TMEM219: variants seen among roughly 807,000 people sequenced by gnomAD.
The protein encoded by TMEM219 is insulin-like growth factor-binding protein 3 receptor.
A neutral mutation model predicts 17.9 loss-of-function variants in TMEM219; 18 were observed. That is an observed-to-expected ratio of 1.01 (90% CI 0.70 to 1.49). The LOEUF (loss-of-function observed/expected upper bound fraction) is 1.49. Ranked by LOEUF, TMEM219 falls within the 40% of genes most tolerant of loss-of-function variation. The probability of loss-of-function intolerance (pLI) is 0.00; values close to 1 mark genes in which losing one functional copy is unlikely to be tolerated. For synonymous variants in TMEM219, 113 were observed against 124.0 expected, an observed-to-expected ratio of 0.91 and a Z score of 0.59; for missense variants, 288 against 292.4, an observed-to-expected ratio of 0.99 and a Z score of 0.11.
intron 4 of TMEM219, among the ~76,000 whole-genome samples, chr16:29,970,201 TCC>T (rs2069265481): frequency 6.6e-6 from 1 of 151,092 alleles, no homozygotes; most frequent in Non-Finnish European, 1.5e-5. Context: ...GCCACTGCAC[TCC>T]AGCCTGGGCA....
Position 29,963,502 on chromosome 16 carries a change from A to G in TMEM219, c.268A>G (p.Thr90Ala). The change falls in exon 3 of 6, where the codon ACC becomes GCC. Residue 90 changes from threonine (T) to alanine (A), a missense_variant. Thr to Ala is a moderately conservative substitution (Grantham distance 58). Transcript: ENST00000279396. ...WRGSHVVGLL[T>A]TLNFGDGPDR... ...AGGGTCTCACGTCGTGGGCTTGCTG[A>G]CCACCTTGAACTTCGGAGACGGTCC... 1.9e-6 allele frequency: 3 copies of G among 1,614,182 alleles called. No homozygotes were observed. Among genetic ancestry groups the G allele is most frequent in the Non-Finnish European group, 2.5e-6 (3 of 1,180,020 alleles).
chr16:29,966,677 A>G (rs1203419163), intron 3 of TMEM219, among the ~76,000 whole-genome samples: 1 of 152,004 alleles, frequency 6.6e-6, no homozygotes, highest in Admixed American at 6.6e-5. Context: ...TTAGCCAGGC[A>G]TGGTCGTGGG....
chr16:29,967,910 G>C, intron 3 of TMEM219, 115 bp from the exon 4 acceptor site: 1 of 787,798 alleles, frequency 1.3e-6, no homozygotes, highest in Non-Finnish European at 2.0e-6. Flanking sequence ...CTGGGTGATA[G>C]AGCGAGACTC....
At chr16:29,968,894 A>G (rs909326502) in intron 4 of TMEM219, among the ~76,000 whole-genome samples, 1 of 152,222 alleles carries the variant, frequency 6.6e-6, no homozygotes, top group South Asian at 2.1e-4. Context: ...GCTGCAGGCC[A>G]CACAACTGGT....
Position 29,968,228 on chromosome 16 carries a change from C to G in TMEM219, c.559C>G (p.Leu187Val). 6.2e-7 allele frequency: 1 copy of G among 1,614,018 alleles called. No individual in the cohort carries two copies. The highest frequency in any genetic ancestry group is 8.5e-7 in the Non-Finnish European group (1 of 1,179,916). ...TGTTAGTGTCTGGAGCCATGAAGGC[C>G]TTGTGCTGACCAAGCTGCTCACCTC... ...ECVSVWSHEG[L>V]VLTKLLTSEE... Residue 187 changes from leucine to valine, a missense_variant, in exon 4 of 6, where the codon CTT becomes GTT. Leu to Val is a conservative substitution (Grantham distance 32). Coordinates refer to ENST00000279396, the MANE Select transcript of TMEM219 (RefSeq NM_001083613.2).
In TMEM219 at chr16:29,963,204, G is replaced by T. The variant is rs200171423; in HGVS notation, c.61G>T (p.Val21Phe). 1.2e-5 allele frequency: 20 copies of T among 1,613,770 alleles called. No homozygotes were observed. The Admixed American group carries it at 1.8e-4, about 15-fold the overall frequency. ...GTGTCTGGCCCACCACCCACCTCTGGTCTGTGCCACTTTGATCCTGCTGCT... is the reference window on the plus strand; with the variant it reads ...GTGTCTGGCCCACCACCCACCTCTGTTCTGTGCCACTTTGATCCTGCTGCT... ...HLCLAHHPPL[V>F]CATLILLLLG... Residue 21 changes from valine to phenylalanine, a missense_variant, in exon 2 of 6, where the codon GTC (valine) becomes TTC (phenylalanine). Transcript: ENST00000279396.
chr16:29,971,271 C>T, intron 4 of TMEM219, 137 bp from the exon 5 acceptor site: 2 of 921,434 alleles, frequency 2.2e-6, no homozygotes, highest in Non-Finnish European at 3.2e-6. Context: ...AGACAAATGT[C>T]AGCTTATATG....
At chr16:29,964,371 T>C (rs2069186228) in intron 3 of TMEM219, among the ~76,000 whole-genome samples, 1 of 151,734 alleles carries the variant, frequency 6.6e-6, no homozygotes, top group African/African-American at 2.4e-5. Context: ...TAGTTCCAGC[T>C]ACTTGGGAGG....
rs1272654363 is a variant in TMEM219 at position 29,968,203 on chromosome 16, T to C, written c.534T>C (p.Cys178=). Residue 178 remains cysteine, a synonymous_variant, in exon 4 of 6, where the codon TGT becomes TGC. Transcript: ENST00000279396. The part of the protein sequence containing the change: ...ATLSPRMGEE[C]VSVWSHEGLV... Reference sequence around the variant, plus strand: ...TGAGCCCTAGAATGGGTGAGGAATGTGTTAGTGTCTGGAGCCATGAAGGCC... The same window carrying C: ...TGAGCCCTAGAATGGGTGAGGAATGCGTTAGTGTCTGGAGCCATGAAGGCC... 2 of 1,614,146 alleles carry C rather than the reference T, an allele frequency of 1.2e-6. No individual in the cohort carries two copies. Among genetic ancestry groups the C allele is most frequent in the East Asian group, 2.2e-5 (1 of 44,868 alleles).
Position 29,968,022 on chromosome 16 carries a change from C to G in TMEM219, c.356-3C>G. On this transcript the variant is annotated splice_region_variant and splice_polypyrimidine_tract_variant and intron_variant, in intron 3 of 5. Coordinates refer to ENST00000279396, the MANE Select transcript of TMEM219 (RefSeq NM_001083613.2). Reference sequence around the variant, plus strand: ...TCCATTTTCTCTTCTGTGCCTTTCACAGGATCTTCTGCAGGACAACTGGTC... The same window carrying G: ...TCCATTTTCTCTTCTGTGCCTTTCAGAGGATCTTCTGCAGGACAACTGGTC... 6.2e-7 allele frequency: 1 copy of G among 1,611,354 alleles called. No individual in the cohort carries two copies. The highest frequency in any genetic ancestry group is 8.5e-7 in the Non-Finnish European group (1 of 1,177,564).
At chr16:29,970,451 A>G (rs2069269285) in intron 4 of TMEM219, among the ~76,000 whole-genome samples, 1 of 151,150 alleles carries the variant, frequency 6.6e-6, no homozygotes, top group African/African-American at 2.4e-5. Flanking sequence ...CAGCCTCCCA[A>G]GTAGCTGGGA....
In TMEM219 at chr16:29,963,410, C is replaced by CT. The variant is rs763110962; in HGVS notation, c.182dup (p.Leu61PhefsTer85). 2 of 1,614,110 alleles carry CT rather than the reference C, an allele frequency of 1.2e-6. No individual in the cohort carries two copies. Among genetic ancestry groups the CT allele is most frequent in the South Asian group, 1.1e-5 (1 of 91,088 alleles). On this transcript the variant is annotated frameshift_variant, in exon 3 of 6. Coordinates refer to ENST00000279396, the MANE Select transcript of TMEM219 (RefSeq NM_001083613.2). LOFTEE classifies it high-confidence loss of function. ...TTCTTTTGCTCACAGGACTGGGTCT[C>CT]TTTTTTGAGATCTTTTGGCCAGCTG...
Position 29,971,513 on chromosome 16 carries a change from C to T in TMEM219, c.691C>T (p.Arg231Trp), listed in dbSNP as rs1390726624. The part of the protein sequence containing the change: ...CVTAMCFHPR[R>W]ESHWSRTRL ...CACTGCTATGTGCTTCCACCCGCGC[C>T]GGGAGTCCCACTGGTCTAGAACCCG... The change falls in exon 5 of 6, where the codon CGG becomes TGG. Residue 231 changes from arginine (R) to tryptophan (W), a missense_variant. Coordinates refer to ENST00000279396, the MANE Select transcript of TMEM219 (RefSeq NM_001083613.2). 22 of 1,599,506 alleles carry T rather than the reference C, an allele frequency of 1.4e-5. No homozygotes were observed. Among genetic ancestry groups the T allele is most frequent in the South Asian group, 1.3e-4 (12 of 90,898 alleles).
intron 3 of TMEM219, among the ~76,000 whole-genome samples, chr16:29,963,880 C>A (rs1455863380): frequency 3.6e-5 from 2 of 56,124 alleles, no homozygotes; most frequent in African/African-American, 5.4e-5. Context: ...AAGACTCTGT[C>A]TCAAAAAAAA....
intron 3 of TMEM219, among the ~76,000 whole-genome samples, 174 bp from the exon 4 acceptor site, chr16:29,967,851 C>T (rs575404405): frequency 2.0e-5 from 3 of 151,384 alleles, no homozygotes; most frequent in South Asian, 2.1e-4. Flanking sequence ...GGTGTGAACC[C>T]GGGAGGCGGA....
rs567565388 is a variant in TMEM219 at position 29,963,239 on chromosome 16, C to T, written c.96C>T (p.Leu32=). Residue 32 remains leucine, a synonymous_variant, in exon 2 of 6, where the codon CTC becomes CTT. Coordinates refer to ENST00000279396, the MANE Select transcript of TMEM219 (RefSeq NM_001083613.2). ...CATLILLLLG[L]SGLGLGSFLL... is the part of the protein sequence containing the mutation. ...CTTTGATCCTGCTGCTCCTTGGCCT[C>T]TCTGGCCTGGGCCTTGGCAGCTTCC... 1.5e-5 allele frequency: 24 copies of T among 1,614,100 alleles called. No homozygotes were observed. The Middle Eastern group carries it at 6.6e-4, about 44-fold the overall frequency.
intron 4 of TMEM219, chr16:29,968,539 G>A (rs1239873672): frequency 3.0e-6 from 1 of 333,092 alleles, no homozygotes; most frequent in Non-Finnish European, 5.5e-6. Context: ...GATTTGATAA[G>A]TGACAGCTAT....
At chr16:29,966,241 A>T (rs4787486) in intron 3 of TMEM219, among the ~76,000 whole-genome samples, 61,090 of 151,924 alleles carry the variant, frequency 0.4, 12,523 homozygotes, top group South Asian at 0.48. Context: ...TATTGTCTGT[A>T]TTCATGTTGC....
At chr16:29,970,220 T>A (rs1218669715) in intron 4 of TMEM219, among the ~76,000 whole-genome samples, 1 of 150,456 alleles carries the variant, frequency 6.6e-6, no homozygotes, top group Non-Finnish European at 1.5e-5. Context: ...GGCAACAGAG[T>A]GAGACTCCGT....
Sources: allele counts gnomAD v4.1 joint callset (sites outside exome capture counted in the v4.1 genomes callset), GRCh38; gene constraint gnomAD v4.1.1; transcripts MANE v1.5; gene names NCBI Gene and HGNC (gene_info 2026-07-23, HGNC 2026-07-21).